Variants in PDZRN4 observed in about 807,000 individuals in gnomAD.
The protein encoded by PDZRN4 is PDZ domain containing ring finger 4.
A neutral mutation model predicts 99.0 loss-of-function variants in PDZRN4; 70 were observed. The observed-to-expected ratio is 0.71, with a 90% CI of 0.58 to 0.86. PDZRN4 has a LOEUF of 0.86. PDZRN4 is among the 40% of genes least tolerant of loss of function. The pLI is 0.00. For missense variants in PDZRN4, 1,474 were observed against 1,331.2 expected, an observed-to-expected ratio of 1.11 and a Z score of -1.67; for synonymous variants, 551 against 501.6, an observed-to-expected ratio of 1.10 and a Z score of -1.32.
chr12:41,386,903 G>A (rs1592038609), intron 3 of PDZRN4, among the ~76,000 whole-genome samples: 2 of 152,260 alleles, frequency 1.3e-5, no homozygotes, highest in East Asian at 1.9e-4. Flanking sequence ...AAATGATGCT[G>A]GGATAACTGG....
intron 3 of PDZRN4, among the ~76,000 whole-genome samples, chr12:41,313,883 A>G (rs1396118246): frequency 2.6e-5 from 4 of 152,170 alleles, no homozygotes; most frequent in African/African-American, 9.7e-5. Flanking sequence ...ATCTTGGTCA[A>G]TTTTGAAGAG....
At chr12:41,506,398 T>A in intron 3 of PDZRN4, 58 bp from the exon 4 acceptor site, 10 of 1,493,766 alleles carry the variant, frequency 6.7e-6, no homozygotes, top group Non-Finnish European at 9.0e-6. Flanking sequence ...TATTAATCTA[T>A]CATGACAGCC....
chr12:41,246,294 T>G (rs1391351226), intron 3 of PDZRN4, among the ~76,000 whole-genome samples: 1 of 152,176 alleles, frequency 6.6e-6, no homozygotes, highest in Non-Finnish European at 1.5e-5. Flanking sequence ...ATTGTACAGT[T>G]AATTGACAGG....
chr12:41,444,088 G>T (rs949339917), intron 3 of PDZRN4, among the ~76,000 whole-genome samples: 8 of 152,202 alleles, frequency 5.3e-5, no homozygotes, highest in Admixed American at 5.2e-4. Context: ...AAATCGGAGT[G>T]GCCAGTGTGG....
At chr12:41,435,152 G>A (rs1420481638) in intron 3 of PDZRN4, among the ~76,000 whole-genome samples, 1 of 152,180 alleles carries the variant, frequency 6.6e-6, no homozygotes, top group Admixed American at 6.6e-5. Context: ...CAAGAATAGA[G>A]GGATTAGGAA....
intron 3 of PDZRN4, among the ~76,000 whole-genome samples, chr12:41,272,815 A>G (rs1270036447): frequency 2.0e-5 from 3 of 151,994 alleles, no homozygotes; most frequent in African/African-American, 7.2e-5. Context: ...CCTTTGTGGC[A>G]TCGAATTGTC....
chr12:41,211,592 T>C (rs371464171), intron 3 of PDZRN4, among the ~76,000 whole-genome samples: 3 of 151,920 alleles, frequency 2.0e-5, no homozygotes, highest in African/African-American at 4.8e-5. Context: ...AAAACTATTA[T>C]CCTGAAACTG....
At chr12:41,300,955 G>A (rs1463505490) in intron 3 of PDZRN4, among the ~76,000 whole-genome samples, 7 of 152,036 alleles carry the variant, frequency 4.6e-5, no homozygotes, top group Admixed American at 3.9e-4. Context: ...CAGGAAAGCA[G>A]CCAAGGTGAA....
At chr12:41,457,339 A>G (rs73130614) in intron 3 of PDZRN4, among the ~76,000 whole-genome samples, 8,039 of 152,290 alleles carry the variant, frequency 0.053, 257 homozygotes, top group South Asian at 0.14. Flanking sequence ...TTTTTCTGAA[A>G]TGCATTTTGC....
intron 3 of PDZRN4, among the ~76,000 whole-genome samples, chr12:41,469,445 C>A (rs1406613106): frequency 6.6e-6 from 1 of 152,176 alleles, no homozygotes; most frequent in Non-Finnish European, 1.5e-5. Flanking sequence ...AAAATGAACA[C>A]CGAGTTAAGT....
chr12:41,389,987 A>C (rs1241163692), intron 3 of PDZRN4, among the ~76,000 whole-genome samples: 1 of 152,220 alleles, frequency 6.6e-6, no homozygotes, highest in Non-Finnish European at 1.5e-5. Flanking sequence ...AAAAGGACAG[A>C]TTATTCTTAA....
intron 3 of PDZRN4, among the ~76,000 whole-genome samples, chr12:41,323,372 C>T (rs1951692142): frequency 6.6e-6 from 1 of 151,998 alleles, no homozygotes; most frequent in Admixed American, 6.6e-5. Context: ...CTCATTCTTA[C>T]ATTTACATAA....
At chr12:41,440,241 C>T (rs1293379032) in intron 3 of PDZRN4, among the ~76,000 whole-genome samples, 2 of 152,064 alleles carry the variant, frequency 1.3e-5, no homozygotes, top group African/African-American at 4.8e-5. Context: ...AGATCATTTG[C>T]CTTTTTGTTT....
intron 3 of PDZRN4, among the ~76,000 whole-genome samples, chr12:41,240,141 A>AG (rs11370667): frequency 0.67 from 101,996 of 151,954 alleles, 34,355 homozygotes; most frequent in South Asian, 0.73. Flanking sequence ...TGTCCTTGTA[A>AG]TATTACTATT....
rs1254696137 is a variant in PDZRN4, at chr12:41,506,659, T to A, written c.1047T>A (p.Leu349=). 1.9e-6 allele frequency: 3 copies of A among 1,613,706 alleles called. No homozygotes were observed. The highest frequency in any genetic ancestry group is 3.3e-5 in the Admixed American group (2 of 59,970). Residue 349 remains leucine, a synonymous_variant, in exon 4 of 10, where the codon CTT becomes CTA. Transcript: ENST00000402685. ...AACACATCATGGCTCTGGCCAAGCT[T>A]CGTCCACCTACCCCTCCAGTGCCAG... ...TFEHIMALAK[L]RPPTPPVPDI...
At chr12:41,265,469 A>T (rs1163985032) in intron 3 of PDZRN4, among the ~76,000 whole-genome samples, 1 of 152,238 alleles carries the variant, frequency 6.6e-6, no homozygotes, top group Non-Finnish European at 1.5e-5. Context: ...CACCAGAAAC[A>T]CAGCAAGGAC....
In PDZRN4 at chr12:41,377,493, T is replaced by C. The variant is rs75727183; in HGVS notation, c.844-128963T>C. On this transcript the variant is annotated intron_variant, in intron 3 of 9. Transcript: ENST00000402685. ...TCCTGGCTAACACGGTGAAACCCTATCTCTATTAAAAATACAAAAAAATTA... is the reference window on the plus strand; with the variant it reads ...TCCTGGCTAACACGGTGAAACCCTACCTCTATTAAAAATACAAAAAAATTA... 1.1e-4 allele frequency among the ~76,000 whole-genome samples: 16 copies of C among 152,212 alleles called. 1 individual carries two copies. The East Asian group carries it at 3.1e-3, about 29-fold the overall frequency.
At chr12:41,418,733 T>TG (rs1202721777) in intron 3 of PDZRN4, among the ~76,000 whole-genome samples, 8 of 152,148 alleles carry the variant, frequency 5.3e-5, no homozygotes, top group African/African-American at 1.9e-4. Context: ...CTCTGATGTA[T>TG]GAAGGAAGTG....
chr12:41,335,047 A>G (rs1217359744), intron 3 of PDZRN4, among the ~76,000 whole-genome samples: 2 of 152,058 alleles, frequency 1.3e-5, no homozygotes, highest in African/African-American at 4.8e-5. Flanking sequence ...TCCTTGAAAA[A>G]ATAGGTTAGG....
Sources: allele counts gnomAD v4.1 joint callset (sites outside exome capture counted in the v4.1 genomes callset), GRCh38; gene constraint gnomAD v4.1.1; transcripts MANE v1.5; gene names NCBI Gene and HGNC (gene_info 2026-07-23, HGNC 2026-07-21).